GRM3: variants seen among roughly 807,000 people sequenced by gnomAD.
The protein encoded by GRM3 is glutamate metabotropic receptor 3, also known as metabotropic glutamate receptor 3.
Under a neutral mutation model 70.5 loss-of-function variants are expected in GRM3, and 26 were observed. That is an observed-to-expected ratio of 0.37 (90% CI 0.27 to 0.51). GRM3 has a LOEUF of 0.51. Ranked by LOEUF, GRM3 falls within the 20% of genes least tolerant of loss-of-function variation. The pLI is 0.93. For missense variants in GRM3, 859 were observed against 1,123.8 expected (o/e 0.76, Z 3.37); for synonymous variants, 443 against 434.9 (o/e 1.02, Z -0.23).
chr7:86,670,178 G>C (rs1261476796), intron 1 of GRM3, among the ~76,000 whole-genome samples: 4 of 152,048 alleles, frequency 2.6e-5, no homozygotes, highest in Non-Finnish European at 5.9e-5. Context: ...TTTAAACTAA[G>C]GCCTACAAAA....
chr7:86,745,478 C>A (rs780068350), intron 1 of GRM3, among the ~76,000 whole-genome samples: 1 of 152,054 alleles, frequency 6.6e-6, no homozygotes, highest in African/African-American at 2.4e-5. Flanking sequence ...AAATCTTCCC[C>A]GGTCACCTTC....
intron 2 of GRM3, among the ~76,000 whole-genome samples, chr7:86,771,089 C>T (rs1796727255): frequency 6.6e-6 from 1 of 152,018 alleles, no homozygotes; most frequent in Non-Finnish European, 1.5e-5. Flanking sequence ...ATAAGGAAGA[C>T]TTCTTAAAAA....
intron 1 of GRM3, among the ~76,000 whole-genome samples, chr7:86,721,052 G>A (rs1426362223): frequency 1.3e-5 from 2 of 151,996 alleles, no homozygotes; most frequent in Non-Finnish European, 2.9e-5. Context: ...AGGCCCCAAA[G>A]GGAAGCTAAT....
intron 5 of GRM3, among the ~76,000 whole-genome samples, chr7:86,863,684 C>T (rs993398039): frequency 5.3e-5 from 8 of 152,172 alleles, no homozygotes; most frequent in Non-Finnish European, 4.4e-5. Flanking sequence ...ATATAAGGCT[C>T]ATCCCTGTAT....
In GRM3 at chr7:86,797,515, C is replaced by T. The variant is rs530591043; in HGVS notation, c.1324+10399C>T. On this transcript the variant is annotated intron_variant, in intron 3 of 5. Coordinates refer to ENST00000361669, the MANE Select transcript of GRM3 (RefSeq NM_000840.3). ...AATTTCTAAGCAGTTCAAAATGTGA[C>T]TTGGGTGCTGTTAAAGGCATTCAGT... Among the ~76,000 whole-genome samples the T allele has an allele frequency of 3.9e-5, 6 of 152,226 alleles. No homozygotes were observed. The East Asian group carries it at 9.6e-4, about 24-fold the overall frequency.
At chr7:86,764,910 T>A in intron 1 of GRM3, 96 bp from the exon 2 acceptor site, 11 of 790,096 alleles carry the variant, frequency 1.4e-5, no homozygotes, top group Non-Finnish European at 1.8e-5. Context: ...TAAATGGTTT[T>A]CTGAGTCATC....
chr7:86,857,186 T>A (rs1274237170), intron 5 of GRM3, among the ~76,000 whole-genome samples: 1 of 151,796 alleles, frequency 6.6e-6, no homozygotes, highest in Admixed American at 6.6e-5. Flanking sequence ...CCTGATGGCA[T>A]CTTGTTCTAT....
chr7:86,785,751 C>A (rs1035997289), intron 2 of GRM3, among the ~76,000 whole-genome samples: 4 of 118,206 alleles, frequency 3.4e-5, no homozygotes, highest in African/African-American at 1.3e-4. Context: ...CTAATCTGGA[C>A]TGCCCATGTG....
chr7:86,672,294 C>T (rs1445575120), intron 1 of GRM3, among the ~76,000 whole-genome samples: 2 of 152,094 alleles, frequency 1.3e-5, no homozygotes, highest in Admixed American at 6.6e-5. Context: ...TTTGCCTTAT[C>T]CTCTATTCCA....
At chr7:86,847,470 T>C (rs975336450) in intron 4 of GRM3, among the ~76,000 whole-genome samples, 1 of 152,222 alleles carries the variant, frequency 6.6e-6, no homozygotes. Flanking sequence ...ATGGTGGCAG[T>C]TGAATATTTA....
At position 86,786,542 on chromosome 7, in the gene GRM3, C is replaced by T; in HGVS notation, c.750C>T (p.Ser250=). ...CIATAEKVGR[S]NIRKSYDSVI... ...CTACGGCGGAGAAGGTGGGCCGCTC[C>T]AACATCCGCAAGTCCTACGACAGCG... The change falls in exon 3 of 6, where the codon TCC becomes TCT. Residue 250 remains serine (S), a synonymous_variant. Transcript: ENST00000361669. This position sits in a 1 kb window ranked among gnomAD's most constrained non-coding sequence, Gnocchi z 6.0. 1 of 1,614,082 alleles carries T rather than the reference C, an allele frequency of 6.2e-7. No homozygotes were observed.
intron 1 of GRM3, among the ~76,000 whole-genome samples, chr7:86,668,662 T>G (rs1794092473): frequency 6.6e-6 from 1 of 152,112 alleles, no homozygotes; most frequent in South Asian, 2.1e-4. Flanking sequence ...AGACTTACCC[T>G]GCAAATATAT....
At chr7:86,753,362 A>T (rs1796274054) in intron 1 of GRM3, among the ~76,000 whole-genome samples, 1 of 152,300 alleles carries the variant, frequency 6.6e-6, no homozygotes, top group African/African-American at 2.4e-5. Context: ...AGAGGTGGCC[A>T]TGTGCTGACA....
In GRM3 at chr7:86,786,600, C is replaced by T. The variant is rs1476933480; in HGVS notation, c.808C>T (p.Arg270Cys). 2 of 1,613,586 alleles carry T rather than the reference C, an allele frequency of 1.2e-6. No individual in the cohort carries two copies. Among genetic ancestry groups the T allele is most frequent in the South Asian group, 1.1e-5 (1 of 91,090 alleles). ...IRELLQKPNA[R>C]VVVLFMRSDD... ...AGAACTGTTGCAGAAGCCCAACGCG[C>T]GCGTCGTGGTCCTCTTCATGCGCAG... Residue 270 changes from arginine (R) to cysteine (C), a missense_variant, in exon 3 of 6, where the codon CGC (arginine) becomes TGC (cysteine). Arg to Cys is a radical substitution (Grantham distance 180, BLOSUM62 -3). Transcript: ENST00000361669. The surrounding 1 kb of genome is among the most constrained non-coding windows in gnomAD (Gnocchi z 6.0).
At chr7:86,736,444 C>T (rs992384612) in intron 1 of GRM3, among the ~76,000 whole-genome samples, 2 of 152,134 alleles carry the variant, frequency 1.3e-5, no homozygotes, top group Non-Finnish European at 1.5e-5. Context: ...AATAATGTCT[C>T]AACACAAAAG....
At chr7:86,743,367 C>A (rs893815396) in intron 1 of GRM3, among the ~76,000 whole-genome samples, 1 of 152,046 alleles carries the variant, frequency 6.6e-6, no homozygotes, top group African/African-American at 2.4e-5. Flanking sequence ...CATACCTAAA[C>A]AGCACAATAA....
At chr7:86,685,278 AG>A (rs2115991766) in intron 1 of GRM3, among the ~76,000 whole-genome samples, 1 of 152,346 alleles carries the variant, frequency 6.6e-6, no homozygotes, top group East Asian at 1.9e-4. Context: ...TAAAGCTTTG[AG>A]AACATAGTAA....
chr7:86,765,752 T>C lies in GRM3; in HGVS notation c.468+139T>C, dbSNP rs994964021. On this transcript the variant is annotated intron_variant, in intron 2 of 5. Transcript: ENST00000361669. ...ATTATTAATTTTTCTAGTTATAATT[T>C]GATAATATAGGTTTGCAGGCAGAAG... The C allele has an allele frequency of 1.1e-4, 86 of 755,408 alleles. No individual in the cohort carries two copies. In the African/African-American group the frequency reaches 1.4e-3, roughly 12 times the overall value. 46.8% of individuals were successfully genotyped at this position (755,408 alleles called of 1,614,324 possible). A position where few individuals can be genotyped will look rare whatever the true frequency, so the allele number is the denominator to read the frequency against.
intron 4 of GRM3, among the ~76,000 whole-genome samples, chr7:86,842,475 C>T (rs978319570): frequency 6.6e-6 from 1 of 152,174 alleles, no homozygotes; most frequent in African/African-American, 2.4e-5. Flanking sequence ...ATTCTCACAC[C>T]TGGTCCCTTT....
Sources: gnomAD v4.1 joint callset for allele counts (sites outside exome capture counted in the v4.1 genomes callset) on GRCh38, gnomAD v4.1.1 for gene constraint, Gnocchi (gnomAD v3.1) non-coding constraint, MANE v1.5 for transcripts, NCBI Gene and HGNC (gene_info 2026-07-23, HGNC 2026-07-21) for gene names.